The following MICAL3 variants were observed in gnomAD, a reference collection of about 807,000 sequenced individuals.
MICAL3 encodes microtubule associated monooxygenase, calponin and LIM domain containing 3, also known as [F-actin]-monooxygenase MICAL3.
A neutral mutation model predicts 207.4 loss-of-function variants in MICAL3; 62 were observed. That is an observed-to-expected ratio of 0.30 (90% CI 0.24 to 0.37). MICAL3 has a LOEUF of 0.37. MICAL3 is among the 10% of genes least tolerant of loss of function. MICAL3 has a pLI of 1.00. For missense variants in MICAL3, 2,368 were observed against 2,635.6 expected (o/e 0.90, Z 2.22); for synonymous variants, 1,077 against 1,069.3 (o/e 1.01, Z -0.14).
At chr22:17,995,166 C>G (rs541008294) in intron 1 of MICAL3, among the ~76,000 whole-genome samples, 163 of 152,264 alleles carry the variant, frequency 1.1e-3, no homozygotes, top group African/African-American at 2.9e-3. Context: ...CTTCTTTAAT[C>G]TGATTTCTGT....
chr22:17,875,167 T>C (rs907230967), intron 16 of MICAL3: 5 of 200,166 alleles, frequency 2.5e-5, no homozygotes, highest in Non-Finnish European at 5.0e-5. Context: ...TATCATTATT[T>C]GATATAGTTG....
intron 15 of MICAL3, 45 bp downstream of exon 15, chr22:17,887,125 G>T: frequency 2.0e-6 from 3 of 1,465,136 alleles, no homozygotes; most frequent in Non-Finnish European, 1.9e-6. Context: ...ACCAAAAGGG[G>T]CTATTCCACA....
chr22:17,867,825 G>A (rs1332252780), intron 17 of MICAL3, among the ~76,000 whole-genome samples: 1 of 152,178 alleles, frequency 6.6e-6, no homozygotes, highest in Non-Finnish European at 1.5e-5. Context: ...CAAGAGCCTT[G>A]CTTATTACAG....
rs59740388 is a variant in MICAL3 at position 17,953,930 on chromosome 22, C to CAAAAAAAAAAAAAAAAAAA, written c.-74-47063_-74-47045dup. Among the ~76,000 whole-genome samples the CAAAAAAAAAAAAAAAAAAA allele has an allele frequency of 7.2e-4, 62 of 86,518 alleles. 2 individuals are homozygous for CAAAAAAAAAAAAAAAAAAA. The highest frequency in any genetic ancestry group is 9.0e-4 in the African/African-American group (22 of 24,526). The allele number at this position is 86,518 out of a possible 152,430, so 56.8% of individuals were successfully genotyped here. On this transcript the variant is annotated intron_variant, in intron 1 of 31. Coordinates refer to ENST00000441493, the MANE Select transcript of MICAL3 (RefSeq NM_015241.3). The stretch of plus-strand genomic sequence containing the variant: ...CAGGTGACAGAGTAAGACTCCATCT[C>CAAAAAAAAAAAAAAAAAAA]AAAAAAAAAAAAAAAAAAAAAAAAA...
intron 1 of MICAL3, among the ~76,000 whole-genome samples, chr22:17,909,179 G>A (rs977232012): frequency 1.3e-5 from 2 of 152,126 alleles, no homozygotes; most frequent in African/African-American, 4.8e-5. Context: ...TGGGCTTTTC[G>A]CCTCAAATAT....
intron 22 of MICAL3, among the ~76,000 whole-genome samples, 176 bp from the exon 23 acceptor site, chr22:17,823,236 G>A (rs1346643575): frequency 1.3e-5 from 2 of 152,342 alleles, no homozygotes; most frequent in African/African-American, 2.4e-5. Flanking sequence ...GCTGGGGGGG[G>A]CCCGGGGCCC....
At chr22:17,904,514 T>C in intron 3 of MICAL3, 118 bp downstream of exon 3, 1 of 783,988 alleles carries the variant, frequency 1.3e-6, no homozygotes, top group Non-Finnish European at 2.3e-6. Flanking sequence ...AAGACAGTAA[T>C]GAGATTAGAA....
chr22:17,895,270 C>A lies in MICAL3; in HGVS notation c.1449+14G>T, dbSNP rs774785225. On this transcript the variant is annotated intron_variant, in intron 10 of 31. Transcript: ENST00000441493. ...AGATGGGCCCAGATGTAAATACTGA[C>A]AAGAAGGTCTTACCTGGCTTGGCCG... is the stretch of plus-strand genomic sequence containing the variant. 6 of 1,612,652 alleles carry A rather than the reference C, an allele frequency of 3.7e-6. No individual in the cohort carries two copies. In the East Asian group the frequency reaches 8.9e-5, roughly 24 times the overall value.
At chr22:17,888,461 A>T (rs984137757) in intron 13 of MICAL3, among the ~76,000 whole-genome samples, 2 of 152,224 alleles carry the variant, frequency 1.3e-5, no homozygotes, top group African/African-American at 4.8e-5. Flanking sequence ...ATGCACAGTG[A>T]CAGGAGAAAG....
chr22:17,949,774 G>C (rs1014078348), intron 1 of MICAL3, among the ~76,000 whole-genome samples: 2 of 152,244 alleles, frequency 1.3e-5, no homozygotes, highest in African/African-American at 4.8e-5. Flanking sequence ...GAAACAGCCA[G>C]GTAGTGACCC....
Position 17,817,611 on chromosome 22 carries a change from C to T in MICAL3, c.5050G>A (p.Gly1684Ser). The T allele has an allele frequency of 6.2e-7, 1 of 1,613,342 alleles. No individual in the cohort carries two copies. Among genetic ancestry groups the T allele is most frequent in the Non-Finnish European group, 8.5e-7 (1 of 1,179,860 alleles). Residue 1684 changes from glycine to serine, a missense_variant, in exon 26 of 32, where the codon GGC becomes AGC. Coordinates refer to ENST00000441493, the MANE Select transcript of MICAL3 (RefSeq NM_015241.3). ...SPPSDSGGPD[G>S]SFTSSEGSSG... Reference sequence around the variant, plus strand: ...GAGCCCTCGGATGAAGTGAAAGAGCCATCTGGGCCCCCTGAGTCCGACGGC... The same window carrying T: ...GAGCCCTCGGATGAAGTGAAAGAGCTATCTGGGCCCCCTGAGTCCGACGGC...
intron 19 of MICAL3, among the ~76,000 whole-genome samples, chr22:17,850,143 T>C (rs963450777): frequency 3.3e-5 from 5 of 152,032 alleles, no homozygotes; most frequent in Admixed American, 1.3e-4. Context: ...ATCAGAAGAA[T>C]TGGGAAATTC....
chr22:17,910,939 G>A (rs1220714841), intron 1 of MICAL3, among the ~76,000 whole-genome samples: 1 of 152,212 alleles, frequency 6.6e-6, no homozygotes, highest in Non-Finnish European at 1.5e-5. Context: ...AAACCTGGCA[G>A]GAAGGTGCCA....
At chr22:17,906,957 C>G in intron 1 of MICAL3, 71 bp from the exon 2 acceptor site, 4 of 805,788 alleles carry the variant, frequency 5.0e-6, no homozygotes, top group South Asian at 3.9e-5. Flanking sequence ...ACATATTCCT[C>G]TTCAAAGCAG....
At chr22:17,827,278 C>A (rs1013772933) in intron 22 of MICAL3, among the ~76,000 whole-genome samples, 2 of 152,098 alleles carry the variant, frequency 1.3e-5, no homozygotes, top group African/African-American at 4.8e-5. Flanking sequence ...CCTGCCAACA[C>A]ACATTCACGT....
At chr22:17,962,255 T>C (rs4992882) in intron 1 of MICAL3, among the ~76,000 whole-genome samples, 1 of 151,876 alleles carries the variant, frequency 6.6e-6, no homozygotes, top group Non-Finnish European at 1.5e-5. Flanking sequence ...CAAGCAAACA[T>C]GTCCTCAACT....
intron 1 of MICAL3, among the ~76,000 whole-genome samples, chr22:17,969,781 T>C (rs189182504): frequency 7.2e-4 from 110 of 152,362 alleles, no homozygotes; most frequent in Middle Eastern, 6.8e-3. Flanking sequence ...GCGTCTAGGA[T>C]GGCCTCTTTG....
intron 19 of MICAL3, among the ~76,000 whole-genome samples, chr22:17,851,895 A>G (rs1293843286): frequency 6.6e-6 from 1 of 152,222 alleles, no homozygotes; most frequent in Admixed American, 6.5e-5. Flanking sequence ...CTCACCAGAA[A>G]GGGGCCCAGT....
intron 1 of MICAL3, among the ~76,000 whole-genome samples, chr22:17,971,543 C>T (rs1166706338): frequency 6.6e-6 from 1 of 152,162 alleles, no homozygotes. Flanking sequence ...TAGCATTCAT[C>T]TAGCATTCAT....
Sources: allele counts gnomAD v4.1 joint callset (sites outside exome capture counted in the v4.1 genomes callset), GRCh38; gene constraint gnomAD v4.1.1; transcripts MANE v1.5; gene names NCBI Gene and HGNC (gene_info 2026-07-23, HGNC 2026-07-21).